The following TOP6BL variants were observed in gnomAD, a reference collection of about 807,000 sequenced individuals.
TOP6BL encodes the protein TOP6B like initiator of meiotic double strand breaks, also known as type 2 DNA topoisomerase 6 subunit B-like.
the TOP6BL span, chr11:66,804,169 T>A: frequency 1.2e-6 from 2 of 1,611,130 alleles, no homozygotes; most frequent in Non-Finnish European, 1.7e-6. Context: ...CCAACCAGCT[T>A]AACAGGATTT....
the TOP6BL span, among the ~76,000 whole-genome samples, chr11:66,789,983 T>G: frequency 6.6e-6 from 1 of 152,272 alleles, no homozygotes; most frequent in Non-Finnish European, 1.5e-5. Context: ...GATATGTTAC[T>G]TGATCCTGGC....
the TOP6BL span, among the ~76,000 whole-genome samples, chr11:66,753,827 C>T: frequency 6.6e-6 from 1 of 152,142 alleles, no homozygotes; most frequent in African/African-American, 2.4e-5. Context: ...GCCTCAGCCT[C>T]CTCAGTAGCT....
chr11:66,750,173 A>G, the TOP6BL span, among the ~76,000 whole-genome samples: 2 of 152,110 alleles, frequency 1.3e-5, no homozygotes, highest in Non-Finnish European at 2.9e-5. Flanking sequence ...GCAGCATTTC[A>G]TGTTAGCATA....
the TOP6BL span, among the ~76,000 whole-genome samples, chr11:66,793,741 T>C: frequency 3.9e-5 from 6 of 152,038 alleles, no homozygotes; most frequent in African/African-American, 7.2e-5. Flanking sequence ...CCACTGCACC[T>C]GGCCCAATTT....
the TOP6BL span, among the ~76,000 whole-genome samples, chr11:66,793,877 G>C: frequency 6.6e-6 from 1 of 152,020 alleles, no homozygotes; most frequent in African/African-American, 2.4e-5. Context: ...AGGCCAAGGT[G>C]GGAGGACTGC....
At chr11:66,804,359 T>C in the TOP6BL span, among the ~76,000 whole-genome samples, 1 of 152,206 alleles carries the variant, frequency 6.6e-6, no homozygotes, top group Non-Finnish European at 1.5e-5. Context: ...GCCAGGGAAC[T>C]GAAAACTGTA....
chr11:66,784,569 A>G, the TOP6BL span, among the ~76,000 whole-genome samples: 1 of 152,242 alleles, frequency 6.6e-6, no homozygotes, highest in African/African-American at 2.4e-5. Context: ...TGCCTTGGCA[A>G]ACACTAATCT....
the TOP6BL span, among the ~76,000 whole-genome samples, chr11:66,827,642 G>T: frequency 6.6e-6 from 1 of 151,880 alleles, no homozygotes; most frequent in African/African-American, 2.4e-5. Flanking sequence ...ATGAACAGAT[G>T]GATCTTCTGG....
At chr11:66,809,966 A>AC in the TOP6BL span, among the ~76,000 whole-genome samples, 3 of 152,164 alleles carry the variant, frequency 2.0e-5, no homozygotes, top group African/African-American at 7.2e-5. Flanking sequence ...TGATCAATGA[A>AC]CCCTAAGTGT....
the TOP6BL span, chr11:66,796,007 T>A: frequency 3.3e-6 from 1 of 304,648 alleles, no homozygotes; most frequent in East Asian, 5.5e-5. Flanking sequence ...ACTTTTAAAT[T>A]TGTCCCCAAA....
At chr11:66,764,496 CAA>C in the TOP6BL span, among the ~76,000 whole-genome samples, 17 of 58,626 alleles carry the variant, frequency 2.9e-4, no homozygotes, top group Admixed American at 3.9e-4. Flanking sequence ...ACTAAAAATA[CAA>C]AAAAAAAAAA....
chr11:66,778,229 T>C, the TOP6BL span, among the ~76,000 whole-genome samples: 1 of 151,944 alleles, frequency 6.6e-6, no homozygotes. Context: ...GACAAACTTC[T>C]AGGATGAAAT....
the TOP6BL span, chr11:66,816,097 G>C: frequency 2.9e-5 from 46 of 1,605,186 alleles, no homozygotes; most frequent in Non-Finnish European, 3.7e-5. Context: ...ATCCAGTGAG[G>C]AGGATCAGTC....
At chr11:66,780,461 C>T in the TOP6BL span, among the ~76,000 whole-genome samples, 1 of 152,070 alleles carries the variant, frequency 6.6e-6, no homozygotes, top group Admixed American at 6.6e-5. Flanking sequence ...ATGCCTTTAC[C>T]TTAACCTCAT....
chr11:66,823,619 T>C, the TOP6BL span, among the ~76,000 whole-genome samples: 1 of 151,710 alleles, frequency 6.6e-6, no homozygotes, highest in Non-Finnish European at 1.5e-5. Flanking sequence ...CAGGAGTTCA[T>C]GACCAGCCTG....
At chr11:66,813,879 A>G in the TOP6BL span, 5 of 1,613,818 alleles carry the variant, frequency 3.1e-6, no homozygotes, top group African/African-American at 6.7e-5. Flanking sequence ...TTCTATATGG[A>G]CCTTTGGGTC....
At chr11:66,780,200 GT>G in the TOP6BL span, among the ~76,000 whole-genome samples, 166 of 151,906 alleles carry the variant, frequency 1.1e-3, 1 homozygote, top group African/African-American at 4.0e-3. Context: ...GGTAAATAGT[GT>G]TTTTTTGCTC....
chr11:66,813,590 A>AG, the TOP6BL span, among the ~76,000 whole-genome samples: 2 of 152,120 alleles, frequency 1.3e-5, no homozygotes, highest in Non-Finnish European at 2.9e-5. Context: ...AAAATTAGTC[A>AG]GGCATAGTGG....
chr11:66,761,905 C>CT, the TOP6BL span: 7 of 1,279,348 alleles, frequency 5.5e-6, no homozygotes, highest in Non-Finnish European at 6.8e-6. Flanking sequence ...TTCTTTATAG[C>CT]TTCAACCACG....
Sources: gnomAD v4.1 joint callset for allele counts (sites outside exome capture counted in the v4.1 genomes callset) on GRCh38, gnomAD v4.1.1 for gene constraint, MANE v1.5 for transcripts, NCBI Gene and HGNC (gene_info 2026-07-23, HGNC 2026-07-21) for gene names.